SPATC1: variants seen among roughly 807,000 people sequenced by gnomAD.
The protein encoded by SPATC1 is speriolin.
A neutral mutation model predicts 36.5 loss-of-function variants in SPATC1; 35 were observed. The ratio of observed to expected loss-of-function variants is 0.96; its 90% CI spans 0.73 to 1.27. The LOEUF (loss-of-function observed/expected upper bound fraction) is 1.27. Ranked by LOEUF, SPATC1 falls within the 50% of genes most tolerant of loss-of-function variation. The probability of loss-of-function intolerance (pLI) is 0.00; values close to 1 mark genes in which losing one functional copy is unlikely to be tolerated. For synonymous variants in SPATC1, 361 were observed against 353.6 expected, an observed-to-expected ratio of 1.02 and a Z score of -0.24; for missense variants, 779 against 796.0, an observed-to-expected ratio of 0.98 and a Z score of 0.26.
chr8:144,028,770 C>G (rs1362117051), intron 1 of SPATC1, among the ~76,000 whole-genome samples: 1 of 152,136 alleles, frequency 6.6e-6, no homozygotes, highest in Non-Finnish European at 1.5e-5. Context: ...TTCATTGCAG[C>G]ACTATTCACA....
intron 1 of SPATC1, among the ~76,000 whole-genome samples, chr8:144,027,441 T>C (rs1198455375): frequency 6.6e-6 from 1 of 152,230 alleles, no homozygotes; most frequent in Non-Finnish European, 1.5e-5. Context: ...TAGAAGCTTT[T>C]GATTTTGATG....
chr8:144,042,311 A>ATATTTTTT (rs1412021347), intron 4 of SPATC1, among the ~76,000 whole-genome samples: 11 of 23,884 alleles, frequency 4.6e-4, no homozygotes, highest in Non-Finnish European at 5.7e-4. Flanking sequence ...ATATATATAT[A>ATATTTTTT]TTTTTTTTTT....
rs1407863552 is a variant in SPATC1, at chr8:144,016,464, G to A, written c.211+3738G>A. Reference sequence around the variant, plus strand: ...CTGATTGTGTGAGTGTATATGGTGTGTGTGTGGTGTGTTCATGTGTGACAG... The same window carrying A: ...CTGATTGTGTGAGTGTATATGGTGTATGTGTGGTGTGTTCATGTGTGACAG... On this transcript the variant is annotated intron_variant, in intron 1 of 4. Coordinates refer to ENST00000377470, the MANE Select transcript of SPATC1 (RefSeq NM_198572.3). The surrounding 1 kb of genome is among the most constrained non-coding windows in gnomAD (Gnocchi z 4.5). Among the ~76,000 whole-genome samples, 1 of 152,040 alleles carries A rather than the reference G, an allele frequency of 6.6e-6. No homozygotes were observed. The highest frequency in any genetic ancestry group is 1.5e-5 in the Non-Finnish European group (1 of 68,006).
At chr8:144,027,256 G>A (rs1390034808) in intron 1 of SPATC1, among the ~76,000 whole-genome samples, 2 of 152,150 alleles carry the variant, frequency 1.3e-5, no homozygotes, top group African/African-American at 2.4e-5. Context: ...TTTTAGGCAT[G>A]AGCCATCCTG....
intron 1 of SPATC1, among the ~76,000 whole-genome samples, chr8:144,015,909 C>G (rs1447579634): frequency 2.7e-5 from 4 of 149,282 alleles, no homozygotes; most frequent in African/African-American, 9.9e-5. Flanking sequence ...AATACAAAAA[C>G]AAAATTAGCC....
In SPATC1 at chr8:144,045,241, C is replaced by T. The variant is rs1201902451; in HGVS notation, c.1447-1386C>T. Reference sequence around the variant, plus strand: ...CTGCCCCCCACAACTGTGCATATTACTCGTTTGCCTAGAAGGCTCAGGAGC... The same window carrying T: ...CTGCCCCCCACAACTGTGCATATTATTCGTTTGCCTAGAAGGCTCAGGAGC... On this transcript the variant is annotated intron_variant, in intron 4 of 4. Coordinates refer to ENST00000377470, the MANE Select transcript of SPATC1 (RefSeq NM_198572.3). The surrounding 1 kb of genome is among the most constrained non-coding windows in gnomAD (Gnocchi z 5.2). Among the ~76,000 whole-genome samples the T allele has an allele frequency of 6.6e-6, 1 of 152,232 alleles. No homozygotes were observed. Among genetic ancestry groups the T allele is most frequent in the Non-Finnish European group, 1.5e-5 (1 of 68,044 alleles).
chr8:144,040,114 C>T lies in SPATC1; in HGVS notation c.417C>T (p.Ser139=), dbSNP rs1554755463. 6.2e-7 allele frequency: 1 copy of T among 1,610,884 alleles called. No homozygotes were observed. Among genetic ancestry groups the T allele is most frequent in the Admixed American group, 1.7e-5 (1 of 59,802 alleles). ...CGTCACAGAGCAGCCCCCTCACCAG[C>T]TTCCTGACCAGTCCCATTGCGGGAC... ...APTSQSSPLT[S]FLTSPIAGPL... is the part of the protein sequence containing the mutation. Residue 139 remains serine, a synonymous_variant, in exon 2 of 5, where the codon AGC becomes AGT. Coordinates refer to ENST00000377470, the MANE Select transcript of SPATC1 (RefSeq NM_198572.3).
upstream of SPATC1, among the ~76,000 whole-genome samples, chr8:144,011,248 C>G (rs1285618905): frequency 1.3e-5 from 2 of 152,050 alleles, no homozygotes; most frequent in African/African-American, 2.4e-5. The surrounding 1 kb of genome is among the most constrained non-coding windows in gnomAD (Gnocchi z 4.5). Flanking sequence ...AACAGAGACA[C>G]TCTATAAAGT....
rs1408802479 is a variant in SPATC1 at position 144,034,711 on chromosome 8, T to C, written c.212-5198T>C. Among the ~76,000 whole-genome samples, 2 of 151,854 alleles carry C rather than the reference T, an allele frequency of 1.3e-5. 1 individual carries two copies. Among genetic ancestry groups the C allele is most frequent in the African/African-American group, 4.8e-5 (2 of 41,304 alleles). The stretch of plus-strand genomic sequence containing the variant: ...CTCTTGGCTCACTGCAACCTCCGAG[T>C]CCAGGGTTCAAGCGATTCTCCTGCC... On this transcript the variant is annotated intron_variant, in intron 1 of 4. Transcript: ENST00000377470.
intron 1 of SPATC1, among the ~76,000 whole-genome samples, chr8:144,031,526 C>T (rs1162701392): frequency 1.4e-5 from 2 of 144,790 alleles, no homozygotes; most frequent in East Asian, 2.0e-4. Flanking sequence ...TGGCCTCAAG[C>T]GATCCTCTGG....
At chr8:144,018,050 G>C (rs966977872) in intron 1 of SPATC1, among the ~76,000 whole-genome samples, 20 of 152,160 alleles carry the variant, frequency 1.3e-4, no homozygotes, top group African/African-American at 4.6e-4. Context: ...CACAGTAAGA[G>C]ACTGAAGGAC....
Position 144,046,206 on chromosome 8 carries a change from G to T in SPATC1, c.1447-421G>T, listed in dbSNP as rs1484026659. On this transcript the variant is annotated intron_variant, in intron 4 of 4. Transcript: ENST00000377470. The surrounding 1 kb of genome is among the most constrained non-coding windows in gnomAD (Gnocchi z 6.6). ...AGACGCTGAAAGGGAGCAGAGCACG[G>T]AGCCAGGAGGAGGCCTGGGAAAGAC... 6.6e-6 allele frequency among the ~76,000 whole-genome samples: 1 copy of T among 152,106 alleles called. No individual in the cohort carries two copies. Among genetic ancestry groups the T allele is most frequent in the African/African-American group, 2.4e-5 (1 of 41,400 alleles).
chr8:144,014,181 G>A (rs984091913), intron 1 of SPATC1, among the ~76,000 whole-genome samples: 1 of 152,128 alleles, frequency 6.6e-6, no homozygotes, highest in East Asian at 1.9e-4. Flanking sequence ...GAACTGGGAG[G>A]CAGAGGTTGC....
intron 1 of SPATC1, among the ~76,000 whole-genome samples, chr8:144,020,242 A>ATGCCCTTAGGACCAAG (rs1834480519): frequency 8.4e-6 from 1 of 118,660 alleles, no homozygotes; most frequent in African/African-American, 3.3e-5. Context: ...CTCTCAGGAC[A>ATGCCCTTAGGACCAAG]CTCTTCCCTG....
At chr8:144,027,068 A>T (rs1158752891) in intron 1 of SPATC1, among the ~76,000 whole-genome samples, 13,633 of 139,070 alleles carry the variant, frequency 0.098, 784 homozygotes, top group African/African-American at 0.17. Context: ...TCCTGGCCCC[A>T]TGATCCGCCT....
chr8:144,025,271 C>A (rs1834653895), intron 1 of SPATC1, among the ~76,000 whole-genome samples: 1 of 152,164 alleles, frequency 6.6e-6, no homozygotes. Context: ...CACAATCCTC[C>A]CCTTGGTTTA....
rs1034628301 is a variant in SPATC1, at chr8:144,035,031, T to G, written c.212-4878T>G. Among the ~76,000 whole-genome samples the G allele has an allele frequency of 2.2e-4, 33 of 152,386 alleles. No homozygotes were observed. In the South Asian group the frequency reaches 6.8e-3, roughly 32 times the overall value. On this transcript the variant is annotated intron_variant, in intron 1 of 4. Coordinates refer to ENST00000377470, the MANE Select transcript of SPATC1 (RefSeq NM_198572.3). ...CTTTACAAATAGTACTGTAAATGAT[T>G]TCACATCAAGCTATTATACATTTGA...
upstream of SPATC1, among the ~76,000 whole-genome samples, chr8:144,011,756 A>G (rs190932235): frequency 1.2e-3 from 189 of 152,260 alleles, no homozygotes; most frequent in Middle Eastern, 6.8e-3. The surrounding 1 kb of genome is among the most constrained non-coding windows in gnomAD (Gnocchi z 4.5). Flanking sequence ...AGTGCGGAGA[A>G]GGCAACGACG....
chr8:144,044,468 A>ATTTT (rs541301271), intron 4 of SPATC1, among the ~76,000 whole-genome samples: 37 of 139,884 alleles, frequency 2.6e-4, no homozygotes, highest in African/African-American at 9.2e-4. Flanking sequence ...CGCCCAGCTA[A>ATTTT]TTTTTTTTTT....
Sources: gnomAD v4.1 joint callset for allele counts (sites outside exome capture counted in the v4.1 genomes callset) on GRCh38, gnomAD v4.1.1 for gene constraint, Gnocchi (gnomAD v3.1) non-coding constraint, MANE v1.5 for transcripts, NCBI Gene and HGNC (gene_info 2026-07-23, HGNC 2026-07-21) for gene names.